GLIS3: variants seen among roughly 807,000 people sequenced by gnomAD.
The protein encoded by GLIS3 is GLIS family zinc finger 3.
Under a neutral mutation model 78.6 loss-of-function variants are expected in GLIS3, and 53 were observed. The ratio of observed to expected loss-of-function variants is 0.67; its 90% CI spans 0.54 to 0.85. The LOEUF is 0.85. Among genes scored for constraint, GLIS3 ranks in the 40% least tolerant of loss-of-function variants. GLIS3 has a pLI of 0.00. For missense variants in GLIS3, 1,703 were observed against 1,231.1 expected (o/e 1.38, Z -5.74); for synonymous variants, 684 against 509.9 (o/e 1.34, Z -4.60).
chr9:4,421,942 T>A, the GLIS3 span, among the ~76,000 whole-genome samples: 1 of 152,236 alleles, frequency 6.6e-6, no homozygotes, highest in Admixed American at 6.5e-5. Flanking sequence ...TTCAGTCATC[T>A]CTAACTGAAA....
intron 4 of GLIS3, among the ~76,000 whole-genome samples, chr9:4,088,332 T>C (rs567498585): frequency 4.6e-5 from 7 of 152,228 alleles, no homozygotes; most frequent in Admixed American, 2.0e-4. Flanking sequence ...ATAAAACATA[T>C]GCTTAGGCTA....
intron 2 of GLIS3, among the ~76,000 whole-genome samples, chr9:4,325,446 G>A (rs1222720616): frequency 6.6e-6 from 1 of 152,186 alleles, no homozygotes; most frequent in Non-Finnish European, 1.5e-5. Flanking sequence ...CAGCATTTGT[G>A]ACAGACTTTC....
chr9:3,898,156 G>T, intron 7 of GLIS3: 1 of 166,004 alleles, frequency 6.0e-6, no homozygotes, highest in Non-Finnish European at 1.3e-5. Context: ...TCCAAATATA[G>T]TCACCTATTA....
Position 3,826,101 on chromosome 9 carries a change from C to T in GLIS3, c.*2171G>A, listed in dbSNP as rs1817713237. 6.6e-6 allele frequency: 1 copy of T among 152,184 alleles called. No homozygotes were observed. The highest frequency in any genetic ancestry group is 6.5e-5 in the Admixed American group (1 of 15,276). 9.4% of individuals were successfully genotyped at this position (152,184 alleles called of 1,614,324 possible). ...TCTGTCTTGTCCTCCTTCCCCCTTT[C>T]TATTTTAAATTACATAAAGCCAAAA... On this transcript the variant is annotated 3_prime_UTR_variant, in exon 11 of 11. Transcript: ENST00000381971.
At chr9:3,901,396 T>C (rs1823290885) in intron 6 of GLIS3, 1 of 152,350 alleles carries the variant, frequency 6.6e-6, no homozygotes. Flanking sequence ...GCAATGATGA[T>C]AGACTGATAG....
At chr9:4,381,416 G>C in the GLIS3 span, among the ~76,000 whole-genome samples, 1 of 152,182 alleles carries the variant, frequency 6.6e-6, no homozygotes, top group Admixed American at 6.5e-5. Context: ...GATCCCCAGA[G>C]CCTAACAGTA....
At chr9:4,420,663 T>C in the GLIS3 span, among the ~76,000 whole-genome samples, 5 of 152,192 alleles carry the variant, frequency 3.3e-5, no homozygotes, top group Non-Finnish European at 7.4e-5. Flanking sequence ...GCCGCTGATC[T>C]CTTTTGAACA....
chr9:4,455,982 T>C, the GLIS3 span, among the ~76,000 whole-genome samples: 1 of 151,972 alleles, frequency 6.6e-6, no homozygotes, highest in African/African-American at 2.4e-5. Context: ...GGTGTGGTGT[T>C]GCACACTCCT....
In GLIS3 at chr9:3,825,260, C is replaced by G. The variant is rs35359206; in HGVS notation, c.*3012G>C. Reference sequence around the variant, plus strand: ...TTTTTTTTTCTTCTTATTTTATGATCGCTTATGTAATTTGAGGGCGACATG... The same window carrying G: ...TTTTTTTTTCTTCTTATTTTATGATGGCTTATGTAATTTGAGGGCGACATG... On this transcript the variant is annotated 3_prime_UTR_variant, in exon 11 of 11. Coordinates refer to ENST00000381971, the MANE Select transcript of GLIS3 (RefSeq NM_001042413.2). 10,314 of 151,926 alleles carry G rather than the reference C, an allele frequency of 0.068. 622 individuals are homozygous for G. Among genetic ancestry groups the G allele is most frequent in the Non-Finnish European group, 0.091 (6,174 of 67,988 alleles). 9.4% of individuals were successfully genotyped at this position (151,926 alleles called of 1,614,324 possible).
At chr9:3,951,042 C>A (rs1270450137) in intron 4 of GLIS3, among the ~76,000 whole-genome samples, 1 of 152,174 alleles carries the variant, frequency 6.6e-6, no homozygotes. Context: ...TTGTGAAGCC[C>A]TCTATAATTT....
chr9:4,389,126 T>C, the GLIS3 span, among the ~76,000 whole-genome samples: 2 of 152,348 alleles, frequency 1.3e-5, no homozygotes, highest in African/African-American at 4.8e-5. Flanking sequence ...GCATGTTTGA[T>C]GTGCATTAAC....
At chr9:3,982,607 G>C (rs117111910) in intron 4 of GLIS3, among the ~76,000 whole-genome samples, 56 of 152,198 alleles carry the variant, frequency 3.7e-4, no homozygotes, top group African/African-American at 1.3e-3. Flanking sequence ...ATTTAATATC[G>C]AAATAAGTGA....
intron 4 of GLIS3, among the ~76,000 whole-genome samples, chr9:4,115,240 TAAAC>T (rs1831545380): frequency 6.6e-6 from 1 of 152,196 alleles, no homozygotes; most frequent in Admixed American, 6.5e-5. Flanking sequence ...AAATAGCAGT[TAAAC>T]ATATATAAAA....
At chr9:3,846,370 C>T (rs1377127705) in intron 9 of GLIS3, among the ~76,000 whole-genome samples, 1 of 152,144 alleles carries the variant, frequency 6.6e-6, no homozygotes, top group Non-Finnish European at 1.5e-5. Flanking sequence ...GGTACTTAAG[C>T]TCTTCCATTG....
the GLIS3 span, among the ~76,000 whole-genome samples, chr9:4,486,100 T>G: frequency 6.6e-6 from 1 of 152,210 alleles, no homozygotes; most frequent in Non-Finnish European, 1.5e-5. Flanking sequence ...ATCTTTTATA[T>G]TGTACTATTT....
In GLIS3 at chr9:4,201,658, C is replaced by CA. The variant is rs537493979; in HGVS notation, c.389-75718dup. Reference sequence around the variant, plus strand: ...TAAAAAATATCTACAACAAGAACTACAAAAAACACTGCTGAAAAAAAATCA... The same window carrying CA: ...TAAAAAATATCTACAACAAGAACTACAAAAAAACACTGCTGAAAAAAAATCA... On this transcript the variant is annotated intron_variant, in intron 2 of 10. Transcript: ENST00000381971. 2.0e-3 allele frequency among the ~76,000 whole-genome samples: 309 copies of CA among 152,020 alleles called. 2 individuals carry two copies. The highest frequency in any genetic ancestry group is 3.4e-3 in the Non-Finnish European group (233 of 67,932).
At chr9:4,254,528 A>C (rs749767597) in intron 2 of GLIS3, among the ~76,000 whole-genome samples, 38 of 152,212 alleles carry the variant, frequency 2.5e-4, no homozygotes, top group Non-Finnish European at 5.0e-4. Context: ...AGAAGAGCTA[A>C]AACATTTTGG....
intron 7 of GLIS3, among the ~76,000 whole-genome samples, chr9:3,884,451 G>C (rs781244216): frequency 6.6e-6 from 1 of 152,142 alleles, no homozygotes; most frequent in Non-Finnish European, 1.5e-5. Context: ...TATGTGAGCA[G>C]CAAGAGTCCT....
the GLIS3 span, among the ~76,000 whole-genome samples, chr9:4,375,738 C>T: frequency 6.6e-6 from 1 of 152,156 alleles, no homozygotes; most frequent in Non-Finnish European, 1.5e-5. Flanking sequence ...AGAGTATTTC[C>T]TGTTGCCAAC....
Sources: gnomAD v4.1 joint callset for allele counts (sites outside exome capture counted in the v4.1 genomes callset) on GRCh38, gnomAD v4.1.1 for gene constraint, MANE v1.5 for transcripts, NCBI Gene and HGNC (gene_info 2026-07-23, HGNC 2026-07-21) for gene names.